Variants in BIVM observed in about 807,000 individuals in gnomAD.
BIVM encodes basic immunoglobulin-like variable motif-containing protein.
BIVM carries 31 observed loss-of-function variants against 61.4 expected under a neutral mutation model. The ratio of observed to expected loss-of-function variants is 0.51; its 90% CI spans 0.38 to 0.68. BIVM has a LOEUF of 0.68. Ranked by LOEUF, BIVM falls within the 30% of genes least tolerant of loss-of-function variation. BIVM has a pLI of 0.00. For missense variants in BIVM, 526 were observed against 596.0 expected (o/e 0.88, Z 1.22); for synonymous variants, 189 against 210.7 (o/e 0.90, Z 0.89).
intron 3 of BIVM, among the ~76,000 whole-genome samples, chr13:102,813,702 AGT>A (rs1258823547): frequency 6.6e-6 from 1 of 152,084 alleles, no homozygotes; most frequent in Admixed American, 6.6e-5. Context: ...ATTCCTTCAA[AGT>A]GTTGATTTTT....
In BIVM at chr13:102,821,028, T is replaced by C; in HGVS notation, c.606-9T>C. 1 of 1,605,322 alleles carries C rather than the reference T, an allele frequency of 6.2e-7. No individual in the cohort carries two copies. Among genetic ancestry groups the C allele is most frequent in the East Asian group, 2.2e-5 (1 of 44,738 alleles). On this transcript the variant is annotated splice_polypyrimidine_tract_variant and intron_variant, in intron 4 of 10. Transcript: ENST00000257336. The stretch of plus-strand genomic sequence containing the variant: ...TTCAAGTGAAGAAAACAGTCTTTTG[T>C]GTTCTCAGGTACTGCATAAGCCGAC...
chr13:102,804,234 A>G (rs1486504530), intron 1 of BIVM, among the ~76,000 whole-genome samples: 5 of 152,012 alleles, frequency 3.3e-5, no homozygotes, highest in Non-Finnish European at 7.4e-5. Context: ...CGCAACCTCC[A>G]CCTTCGAGCC....
intron 9 of BIVM, among the ~76,000 whole-genome samples, chr13:102,835,599 T>C (rs545438818): frequency 1.3e-5 from 2 of 152,318 alleles, no homozygotes; most frequent in African/African-American, 4.8e-5. Context: ...AGTGGTGTGA[T>C]GTCAGCTCAC....
intron 8 of BIVM, 107 bp downstream of exon 8, chr13:102,831,804 C>G: frequency 8.0e-7 from 1 of 1,245,810 alleles, no homozygotes; most frequent in Non-Finnish European, 1.1e-6. Flanking sequence ...CCGAGGTGGG[C>G]GGATCACGAG....
intron 3 of BIVM, among the ~76,000 whole-genome samples, chr13:102,811,738 G>A (rs1879510931): frequency 6.6e-6 from 1 of 152,092 alleles, no homozygotes; most frequent in Admixed American, 6.5e-5. Flanking sequence ...GGTCAGGCTG[G>A]TCTTGAACTC....
chr13:102,804,686 C>G (rs2139140219), intron 1 of BIVM, among the ~76,000 whole-genome samples: 1 of 152,074 alleles, frequency 6.6e-6, no homozygotes, highest in South Asian at 2.1e-4. Context: ...TCTTGAACTC[C>G]TGACCTCAAA....
At position 102,834,472 on chromosome 13, in the gene BIVM, A is replaced by C; in HGVS notation, c.1041A>C (p.Gly347=). The change falls in exon 9 of 11, where the codon GGA becomes GGC. Residue 347 remains glycine, a synonymous_variant. Coordinates refer to ENST00000257336, the MANE Select transcript of BIVM (RefSeq NM_017693.4). ...PVKANKAFSR[G]PLSPQEVEYW... is the part of the protein sequence containing the mutation. Reference sequence around the variant, plus strand: ...GAATGTATTTTATATTTAGCAGGGGACCTCTCTCACCACAGGAAGTTGAAT... The same window carrying C: ...GAATGTATTTTATATTTAGCAGGGGCCCTCTCTCACCACAGGAAGTTGAAT... 6.3e-7 allele frequency: 1 copy of C among 1,596,930 alleles called. No individual in the cohort carries two copies. Among genetic ancestry groups the C allele is most frequent in the Non-Finnish European group, 8.5e-7 (1 of 1,174,496 alleles).
chr13:102,812,657 A>G (rs1447010231), intron 3 of BIVM, among the ~76,000 whole-genome samples: 1 of 152,192 alleles, frequency 6.6e-6, no homozygotes, highest in Non-Finnish European at 1.5e-5. Flanking sequence ...ATTTCCCTGT[A>G]TAAGTGATTG....
Position 102,807,321 on chromosome 13 carries a change from C to G in BIVM, c.54C>G (p.His18Gln), listed in dbSNP as rs569923325. 4 of 1,613,964 alleles carry G rather than the reference C, an allele frequency of 2.5e-6. No individual in the cohort carries two copies. In the East Asian group the frequency reaches 8.9e-5, roughly 36 times the overall value. The change falls in exon 3 of 11, where the codon CAC (histidine) becomes CAG (glutamine). Residue 18 changes from histidine to glutamine, a missense_variant. By Grantham distance (24) the His-to-Gln change is conservative. Coordinates refer to ENST00000257336, the MANE Select transcript of BIVM (RefSeq NM_017693.4). This position sits in a 1 kb window ranked among gnomAD's most constrained non-coding sequence, Gnocchi z 4.0. ...ERSNDSGNGE[H>Q]KSERKSPEEN... is the part of the protein sequence containing the mutation. ...CAAATGATTCTGGAAATGGTGAGCA[C>G]AAATCTGAGAGAAAGTCACCTGAAG...
At chr13:102,809,940 C>T (rs777578580) in intron 3 of BIVM, among the ~76,000 whole-genome samples, 1 of 152,080 alleles carries the variant, frequency 6.6e-6, no homozygotes, top group African/African-American at 2.4e-5. Context: ...CGCCTGTCAC[C>T]GTGCCCGGCT....
intron 3 of BIVM, among the ~76,000 whole-genome samples, chr13:102,809,114 G>A (rs1566445439): frequency 1.3e-5 from 2 of 152,056 alleles, no homozygotes; most frequent in African/African-American, 4.8e-5. Context: ...TAAGATGGAA[G>A]CTTAGATCAT....
chr13:102,800,345 C>T (rs1003991098), intron 1 of BIVM: 1 of 152,228 alleles, frequency 6.6e-6, no homozygotes, highest in African/African-American at 2.4e-5. Context: ...CGGAGAGCCT[C>T]GTCTTCCGGC....
intron 7 of BIVM, among the ~76,000 whole-genome samples, chr13:102,829,040 G>A (rs1880875168): frequency 6.6e-6 from 1 of 150,734 alleles, no homozygotes. Flanking sequence ...TAAAAAAGAT[G>A]TCAGGGGAAT....
At chr13:102,831,357 G>A (rs1228735427) in intron 7 of BIVM, among the ~76,000 whole-genome samples, 19 of 152,186 alleles carry the variant, frequency 1.2e-4, no homozygotes, top group Admixed American at 1.2e-3. Context: ...TTGCTAATGA[G>A]CTTACCTGAA....
chr13:102,830,822 C>T (rs1881014568), intron 7 of BIVM, among the ~76,000 whole-genome samples: 1 of 152,186 alleles, frequency 6.6e-6, no homozygotes, highest in Non-Finnish European at 1.5e-5. Context: ...AGGCCCCCAT[C>T]TCACAGATTG....
chr13:102,825,910 C>T (rs1374302856), intron 7 of BIVM, among the ~76,000 whole-genome samples: 2 of 152,060 alleles, frequency 1.3e-5, no homozygotes, highest in East Asian at 3.9e-4. Context: ...GATTTCATTG[C>T]GAGGTAATTC....
intron 9 of BIVM, among the ~76,000 whole-genome samples, chr13:102,838,369 G>C (rs1222467317): frequency 6.6e-6 from 1 of 152,172 alleles, no homozygotes; most frequent in Non-Finnish European, 1.5e-5. Context: ...TGCTGCTTTA[G>C]CATGCAGGAT....
At chr13:102,799,715 G>A (rs1244301521) in intron 1 of BIVM, among the ~76,000 whole-genome samples, 194 bp downstream of exon 1, 1 of 152,246 alleles carries the variant, frequency 6.6e-6, no homozygotes, top group East Asian at 1.9e-4. Context: ...TCCGAGCCCC[G>A]TGGCGTCCAG....
intron 4 of BIVM, 131 bp from the exon 5 acceptor site, chr13:102,820,906 A>G: frequency 1.3e-6 from 1 of 778,020 alleles, no homozygotes; most frequent in South Asian, 1.7e-5. Flanking sequence ...GTGAATATGG[A>G]AGATTTTACA....
Sources: allele counts gnomAD v4.1 joint callset (sites outside exome capture counted in the v4.1 genomes callset), GRCh38; gene constraint gnomAD v4.1.1; non-coding constraint Gnocchi (gnomAD v3.1); transcripts MANE v1.5; gene names NCBI Gene and HGNC (gene_info 2026-07-23, HGNC 2026-07-21).